The following CNTN5 variants were observed in gnomAD, a reference collection of about 807,000 sequenced individuals.
CNTN5 encodes contactin 5.
Under a neutral mutation model 129.1 loss-of-function variants are expected in CNTN5, and 77 were observed. That is an observed-to-expected ratio of 0.60 (90% CI 0.50 to 0.72). CNTN5 has a LOEUF of 0.72. Among genes scored for constraint, CNTN5 ranks in the 30% least tolerant of loss-of-function variants. The pLI, the probability that CNTN5 is intolerant of heterozygous loss-of-function variation, is 0.00. For missense variants in CNTN5, 1,478 were observed against 1,328.8 expected (o/e 1.11, Z -1.75); for synonymous variants, 509 against 465.6 (o/e 1.09, Z -1.20).
intron 3 of CNTN5, among the ~76,000 whole-genome samples, chr11:99,782,060 T>C (rs1467084702): frequency 6.6e-6 from 1 of 151,068 alleles, no homozygotes; most frequent in Non-Finnish European, 1.5e-5. Flanking sequence ...GACGACATGA[T>C]TGTATATCTA....
At chr11:100,035,850 G>T (rs944652256) in intron 9 of CNTN5, among the ~76,000 whole-genome samples, 1 of 152,022 alleles carries the variant, frequency 6.6e-6, no homozygotes, top group African/African-American at 2.4e-5. Flanking sequence ...TGAGTTCATT[G>T]TAGATTCTGG....
Position 100,204,439 on chromosome 11 carries a change from G to A in CNTN5, c.1884+10776G>A, listed in dbSNP as rs558223573. Among the ~76,000 whole-genome samples, 16 of 142,850 alleles carry A rather than the reference G, an allele frequency of 1.1e-4. No individual in the cohort carries two copies. The Admixed American group carries it at 1.1e-3, about 10-fold the overall frequency. The allele number at this position is 142,850 out of a possible 152,430, so 93.7% of individuals were successfully genotyped here. A position where few individuals can be genotyped will look rare whatever the true frequency, so the allele number is the denominator to read the frequency against. ...GAGAGATGATATATAGATATCTATAGATCTATAGATATAGATCTGTAAATA... is the reference window on the plus strand; with the variant it reads ...GAGAGATGATATATAGATATCTATAAATCTATAGATATAGATCTGTAAATA... On this transcript the variant is annotated intron_variant, in intron 15 of 24. Coordinates refer to ENST00000524871, the MANE Select transcript of CNTN5 (RefSeq NM_014361.4).
Position 99,233,293 on chromosome 11 carries a change from A to G in CNTN5, c.-209-92053A>G, listed in dbSNP as rs73532947. On this transcript the variant is annotated intron_variant, in intron 1 of 24. Transcript: ENST00000524871. ...TTCATATAAAGTTGCTTTTTCTCTTAACTTTCTTGTAGCCAGTGAAAATCC... is the reference window on the plus strand; with the variant it reads ...TTCATATAAAGTTGCTTTTTCTCTTGACTTTCTTGTAGCCAGTGAAAATCC... Among the ~76,000 whole-genome samples, 431 of 152,328 alleles carry G rather than the reference A, an allele frequency of 2.8e-3. 8 individuals are homozygous for G. The highest frequency in any genetic ancestry group is 0.01 in the African/African-American group (418 of 41,572).
In CNTN5 at chr11:100,140,405, A is replaced by AT. The variant is rs373969586; in HGVS notation, c.1581-50720dup. Among the ~76,000 whole-genome samples, 58 of 152,292 alleles carry AT rather than the reference A, an allele frequency of 3.8e-4. 1 individual carries two copies. Among genetic ancestry groups the AT allele is most frequent in the African/African-American group, 1.3e-3 (55 of 41,590 alleles). On this transcript the variant is annotated intron_variant, in intron 13 of 24. Coordinates refer to ENST00000524871, the MANE Select transcript of CNTN5 (RefSeq NM_014361.4). The stretch of plus-strand genomic sequence containing the variant: ...GGCAAGAACATAGGAAGAAGTGGTT[A>AT]TGATAACTCATCATGGAATTTAAGC...
chr11:100,300,926 G>T (rs1343265375), intron 20 of CNTN5, among the ~76,000 whole-genome samples: 1 of 151,528 alleles, frequency 6.6e-6, no homozygotes, highest in Non-Finnish European at 1.5e-5. Flanking sequence ...TACATTTCAG[G>T]AAACTGAGTC....
intron 13 of CNTN5, among the ~76,000 whole-genome samples, chr11:100,155,829 G>A (rs1947223164): frequency 6.6e-6 from 1 of 152,066 alleles, no homozygotes; most frequent in South Asian, 2.1e-4. Flanking sequence ...GTATAAGAAT[G>A]CTTGTGATTT....
intron 3 of CNTN5, among the ~76,000 whole-genome samples, chr11:99,578,923 G>C (rs1163947646): frequency 6.6e-6 from 1 of 152,084 alleles, no homozygotes; most frequent in Non-Finnish European, 1.5e-5. Flanking sequence ...GTCCTGAATG[G>C]TATTGCCTAG....
At chr11:99,764,154 A>T (rs1944677484) in intron 3 of CNTN5, among the ~76,000 whole-genome samples, 1 of 152,062 alleles carries the variant, frequency 6.6e-6, no homozygotes, top group South Asian at 2.1e-4. Flanking sequence ...TGAGCAGAAA[A>T]TTTTGAAGAC....
At chr11:99,699,059 G>A (rs1954401233) in intron 3 of CNTN5, among the ~76,000 whole-genome samples, 1 of 151,310 alleles carries the variant, frequency 6.6e-6, no homozygotes, top group Non-Finnish European at 1.5e-5. Context: ...GTAGATCATG[G>A]TATATCTTTC....
chr11:99,529,563 GT>G (rs1244473678), intron 2 of CNTN5, among the ~76,000 whole-genome samples: 5 of 152,116 alleles, frequency 3.3e-5, no homozygotes, highest in Admixed American at 2.6e-4. Context: ...CAACATTAGG[GT>G]TAAGGCATTT....
chr11:99,444,537 T>TCTATCCTTTATTCTTGTATAAG (rs1943981325), intron 2 of CNTN5, among the ~76,000 whole-genome samples: 1 of 152,202 alleles, frequency 6.6e-6, no homozygotes, highest in Non-Finnish European at 1.5e-5. Flanking sequence ...TCAATGATTA[T>TCTATCCTTTATTCTTGTATAAG]CTATCCTTTA....
intron 8 of CNTN5, among the ~76,000 whole-genome samples, chr11:99,961,663 C>T (rs991255453): frequency 6.6e-6 from 1 of 152,174 alleles, no homozygotes; most frequent in Non-Finnish European, 1.5e-5. Context: ...AACACCTTTT[C>T]CTTCTCTATC....
At chr11:100,344,315 T>C (rs554863879) in intron 23 of CNTN5, among the ~76,000 whole-genome samples, 1 of 152,284 alleles carries the variant, frequency 6.6e-6, no homozygotes, top group East Asian at 1.9e-4. Context: ...TATTGAAACA[T>C]AATAAATGCA....
intron 1 of CNTN5, among the ~76,000 whole-genome samples, chr11:99,233,680 G>T (rs1008219981): frequency 6.6e-6 from 1 of 152,178 alleles, no homozygotes; most frequent in African/African-American, 2.4e-5. Context: ...GGATGCGGTG[G>T]CTCACGCCTG....
rs140480829 is a variant in CNTN5, at chr11:99,024,718, T to C, written c.-210+3448T>C. 4.1e-3 allele frequency among the ~76,000 whole-genome samples: 624 copies of C among 152,082 alleles called. 5 individuals carry two copies. Among genetic ancestry groups the C allele is most frequent in the Non-Finnish European group, 6.8e-3 (462 of 67,892 alleles). Reference sequence around the variant, plus strand: ...GTATGGTAGTTTCTCTTTTCTCCAGTGCAGGGAACTGGGAACTTTCCAGAG... The same window carrying C: ...GTATGGTAGTTTCTCTTTTCTCCAGCGCAGGGAACTGGGAACTTTCCAGAG... On this transcript the variant is annotated intron_variant, in intron 1 of 24. Coordinates refer to ENST00000524871, the MANE Select transcript of CNTN5 (RefSeq NM_014361.4).
intron 1 of CNTN5, among the ~76,000 whole-genome samples, chr11:99,186,792 G>T (rs1262051884): frequency 1.3e-5 from 2 of 151,936 alleles, no homozygotes; most frequent in Non-Finnish European, 2.9e-5. Flanking sequence ...ATACCTAAAA[G>T]TATTACTTAT....
chr11:99,595,298 C>A (rs993419934), intron 3 of CNTN5, among the ~76,000 whole-genome samples: 12 of 152,044 alleles, frequency 7.9e-5, no homozygotes, highest in Non-Finnish European at 1.8e-4. Flanking sequence ...TATATATGCA[C>A]TGAAACATCA....
intron 2 of CNTN5, among the ~76,000 whole-genome samples, chr11:99,415,653 G>A (rs1052965076): frequency 3.3e-5 from 5 of 152,184 alleles, no homozygotes; most frequent in African/African-American, 1.2e-4. Flanking sequence ...TGGAGAAACT[G>A]AGGGGAGAGC....
At chr11:100,279,504 G>C (rs1305068491) in intron 18 of CNTN5, among the ~76,000 whole-genome samples, 1 of 151,508 alleles carries the variant, frequency 6.6e-6, no homozygotes, top group Non-Finnish European at 1.5e-5. Flanking sequence ...TTATCGATCT[G>C]CTTAAGTTTT....
Sources: gnomAD v4.1 joint callset for allele counts (sites outside exome capture counted in the v4.1 genomes callset) on GRCh38, gnomAD v4.1.1 for gene constraint, MANE v1.5 for transcripts, NCBI Gene and HGNC (gene_info 2026-07-23, HGNC 2026-07-21) for gene names.